IMMT: variants seen among roughly 807,000 people sequenced by gnomAD.
IMMT encodes the protein MICOS complex subunit MIC60.
Under a neutral mutation model 92.7 loss-of-function variants are expected in IMMT, and 40 were observed. The observed-to-expected ratio is 0.43, with a 90% CI of 0.34 to 0.56. IMMT has a LOEUF of 0.56. IMMT is among the 20% of genes least tolerant of loss of function. IMMT has a pLI of 0.03. For synonymous variants in IMMT, 322 were observed against 336.1 expected (o/e 0.96, Z 0.46); for missense variants, 831 against 912.1 (o/e 0.91, Z 1.14).
At chr2:86,145,385 C>T (rs1453761663) in intron 14 of IMMT, among the ~76,000 whole-genome samples, 1 of 151,166 alleles carries the variant, frequency 6.6e-6, no homozygotes, top group East Asian at 2.0e-4. Flanking sequence ...TTCCCAGCTA[C>T]TCAGGAGTCT....
Sources: allele counts gnomAD v4.1 joint callset (sites outside exome capture counted in the v4.1 genomes callset), GRCh38; gene constraint gnomAD v4.1.1; transcripts MANE v1.5; gene names NCBI Gene and HGNC (gene_info 2026-07-23, HGNC 2026-07-21).